Variants in SYNPO2 observed in about 807,000 individuals in gnomAD.
SYNPO2 encodes synaptopodin 2.
Under a neutral mutation model 85.0 loss-of-function variants are expected in SYNPO2, and 56 were observed. The observed-to-expected ratio is 0.66, with a 90% CI of 0.53 to 0.82. The LOEUF (loss-of-function observed/expected upper bound fraction) is 0.82, where lower values mean the gene tolerates loss of function less well. Among genes scored for constraint, SYNPO2 ranks in the 40% least tolerant of loss-of-function variants. SYNPO2 has a pLI of 0.00. For missense variants in SYNPO2, 1,575 were observed against 1,534.2 expected (o/e 1.03, Z -0.44); for synonymous variants, 602 against 591.1 (o/e 1.02, Z -0.27).
chr4:118,996,772 G>T (rs968153305), intron 1 of SYNPO2, among the ~76,000 whole-genome samples: 1 of 150,696 alleles, frequency 6.6e-6, no homozygotes, highest in Non-Finnish European at 1.5e-5. Flanking sequence ...TAGGAGAATC[G>T]CTCGAACCTG....
chr4:118,935,156 G>T (rs1734057127), intron 1 of SYNPO2, among the ~76,000 whole-genome samples: 1 of 152,058 alleles, frequency 6.6e-6, no homozygotes. Context: ...ACAATTCCAT[G>T]ATACGGACAT....
upstream of SYNPO2, chr4:118,888,751 C>T (rs1196491700): frequency 2.2e-5 from 10 of 450,128 alleles, no homozygotes; most frequent in South Asian, 2.8e-4. Flanking sequence ...AAGCTGCTTT[C>T]CTTTCCTCGA....
chr4:118,977,381 A>T (rs1162869192), intron 1 of SYNPO2, among the ~76,000 whole-genome samples: 1 of 152,190 alleles, frequency 6.6e-6, no homozygotes, highest in Non-Finnish European at 1.5e-5. Context: ...CCGGAACTCC[A>T]GCTGGCCCGC....
chr4:119,043,253 C>G (rs1312141488), intron 4 of SYNPO2: 2 of 152,096 alleles, frequency 1.3e-5, no homozygotes, highest in Admixed American at 6.5e-5. Flanking sequence ...CTCTTTTCCT[C>G]TCTTTCTCTC....
intron 1 of SYNPO2, among the ~76,000 whole-genome samples, chr4:118,942,933 T>C (rs9307463): frequency 0.86 from 130,933 of 151,926 alleles, 56,631 homozygotes; most frequent in Middle Eastern, 0.94. Context: ...ATAGTGAAAC[T>C]CCATCTCTAC....
intron 1 of SYNPO2, among the ~76,000 whole-genome samples, chr4:118,868,114 A>T (rs1731734063): frequency 6.8e-6 from 1 of 147,190 alleles, no homozygotes; most frequent in Non-Finnish European, 1.5e-5. Flanking sequence ...TCTTATTTAA[A>T]TTTTTTTGTG....
In SYNPO2 at chr4:119,059,725, C is replaced by A. The variant is rs1739347603; in HGVS notation, c.*1791C>A. The A allele has an allele frequency of 6.6e-6, 1 of 150,914 alleles. No homozygotes were observed. The allele number at this position is 150,914 out of a possible 1,614,324, so 9.3% of individuals were successfully genotyped here. On this transcript the variant is annotated 3_prime_UTR_variant, in exon 5 of 5. Coordinates refer to ENST00000307142, the MANE Select transcript of SYNPO2 (RefSeq NM_133477.3). ...AAAATAATGCCAGGGTGCAAGTGAC[C>A]AAGGCCTTATCTTGAAAGTTAAAAA...
Position 119,027,177 on chromosome 4 carries a change from G to A in SYNPO2, c.808G>A (p.Val270Met). ...GATCTCCAGTGGCAGAGAGTTGAGA[G>A]TGATCCAGGAAAGTGAAGCAGGAGA... ...IQISSGRELR[V>M]IQESEAGDAG... The change falls in exon 3 of 5, where the codon GTG (valine) becomes ATG (methionine). Residue 270 changes from valine to methionine, a missense_variant. Transcript: ENST00000307142. 6.2e-7 allele frequency: 1 copy of A among 1,614,180 alleles called. No individual in the cohort carries two copies. Among genetic ancestry groups the A allele is most frequent in the South Asian group, 1.1e-5 (1 of 91,078 alleles).
At chr4:119,044,078 G>A (rs1205007862) in intron 4 of SYNPO2, 1 of 151,576 alleles carries the variant, frequency 6.6e-6, no homozygotes, top group Non-Finnish European at 1.5e-5. Flanking sequence ...TAACTCCCGA[G>A]ACATCCTTTC....
At chr4:118,966,470 C>A (rs1274596882) in intron 1 of SYNPO2, among the ~76,000 whole-genome samples, 1 of 152,078 alleles carries the variant, frequency 6.6e-6, no homozygotes, top group East Asian at 1.9e-4. Context: ...CCTTGTAAAC[C>A]CCAAGGGAGG....
At chr4:118,903,319 G>A (rs548585258) in intron 1 of SYNPO2, among the ~76,000 whole-genome samples, 2 of 152,218 alleles carry the variant, frequency 1.3e-5, no homozygotes, top group South Asian at 4.1e-4. Flanking sequence ...TCATGAGAAA[G>A]CCTCTTTCTC....
At position 119,025,153 on chromosome 4, in the gene SYNPO2, A is replaced by G. The variant is rs368288824; in HGVS notation, c.258-1474A>G. Among the ~76,000 whole-genome samples the G allele has an allele frequency of 4.3e-4, 65 of 152,236 alleles. 1 individual carries two copies. The highest frequency in any genetic ancestry group is 1.5e-3 in the African/African-American group (63 of 41,544). On this transcript the variant is annotated intron_variant, in intron 2 of 4. Transcript: ENST00000307142. ...GATAAATGTTAATATTTATCTGGCC[A>G]TTTGTCTGTATTGGTCTACAAGGCT...
chr4:119,052,869 T>G (rs1385487144), intron 4 of SYNPO2, among the ~76,000 whole-genome samples: 1 of 152,198 alleles, frequency 6.6e-6, no homozygotes, highest in East Asian at 1.9e-4. Context: ...CAGAAAACTT[T>G]TTTTTATTAA....
At chr4:119,022,526 T>C (rs911952082) in intron 1 of SYNPO2, among the ~76,000 whole-genome samples, 2 of 144,764 alleles carry the variant, frequency 1.4e-5, no homozygotes, top group Admixed American at 6.9e-5. Context: ...TTTTTTTTTT[T>C]TTTTTTTTTT....
At chr4:119,052,446 C>T (rs923733881) in intron 4 of SYNPO2, among the ~76,000 whole-genome samples, 2 of 152,196 alleles carry the variant, frequency 1.3e-5, no homozygotes, top group African/African-American at 4.8e-5. Flanking sequence ...TTTCAATATC[C>T]CATAAAAATG....
At chr4:118,946,106 G>A (rs2149140086) in intron 1 of SYNPO2, among the ~76,000 whole-genome samples, 1 of 152,180 alleles carries the variant, frequency 6.6e-6, no homozygotes, top group East Asian at 1.9e-4. Context: ...CATAAGTGTA[G>A]GGCATTGTGG....
rs759132362 is a variant in SYNPO2, at chr4:119,006,315, C to G, written c.106-17115C>G. The G allele has an allele frequency of 2.0e-5, 3 of 152,290 alleles. No homozygotes were observed. In the South Asian group the frequency reaches 6.2e-4, roughly 32 times the overall value. The allele number at this position is 152,290 out of a possible 1,614,324, so 9.4% of individuals were successfully genotyped here. On this transcript the variant is annotated intron_variant, in intron 1 of 4. Transcript: ENST00000307142. The stretch of plus-strand genomic sequence containing the variant: ...GGGACAGAAGTGGACTATTCTTTTA[C>G]GAGAACACAAAGTATCCAGTGAATT...
At chr4:118,888,809 G>A, upstream of SYNPO2, 1 of 567,566 alleles carries the variant, frequency 1.8e-6, no homozygotes, top group Non-Finnish European at 3.1e-6. Flanking sequence ...CTGTGTCCTG[G>A]ATGCTGCGAG....
At chr4:118,889,960 A>C (rs1468661428) in intron 1 of SYNPO2, among the ~76,000 whole-genome samples, 3 of 152,238 alleles carry the variant, frequency 2.0e-5, no homozygotes, top group Non-Finnish European at 4.4e-5. Flanking sequence ...GCAAACTTTT[A>C]CCTAACCTTA....
Sources: allele counts gnomAD v4.1 joint callset (sites outside exome capture counted in the v4.1 genomes callset), GRCh38; gene constraint gnomAD v4.1.1; transcripts MANE v1.5; gene names NCBI Gene and HGNC (gene_info 2026-07-23, HGNC 2026-07-21).